USP34: variants seen among roughly 807,000 people sequenced by gnomAD.
USP34 encodes ubiquitin specific peptidase 34.
Under a neutral mutation model 460.3 loss-of-function variants are expected in USP34, and 70 were observed. The ratio of observed to expected loss-of-function variants is 0.15; its 90% confidence interval spans 0.13 to 0.19. The LOEUF (loss-of-function observed/expected upper bound fraction) is 0.19, where lower values mean the gene tolerates loss of function less well. Ranked by LOEUF, USP34 falls within the 10% of genes least tolerant of loss-of-function variation. USP34 has a pLI of 1.00. For missense variants in USP34, 3,985 were observed against 4,236.2 expected (o/e 0.94, Z 1.65); for synonymous variants, 1,647 against 1,405.3 (o/e 1.17, Z -3.85).
At chr2:61,381,583 G>A (rs1435135061) in intron 6 of USP34, among the ~76,000 whole-genome samples, 5 of 152,002 alleles carry the variant, frequency 3.3e-5, no homozygotes, top group Non-Finnish European at 7.4e-5. Flanking sequence ...TGATCCTCCC[G>A]CCTCGGCCTC....
At chr2:61,431,976 T>C (rs1356376259) in intron 1 of USP34, among the ~76,000 whole-genome samples, 1 of 152,198 alleles carries the variant, frequency 6.6e-6, no homozygotes, top group African/African-American at 2.4e-5. Context: ...ACACATCATA[T>C]AAAGGTATTG....
intron 58 of USP34, among the ~76,000 whole-genome samples, chr2:61,231,723 CA>C (rs1480967874): frequency 6.6e-6 from 1 of 151,234 alleles, no homozygotes; most frequent in East Asian, 1.9e-4. Flanking sequence ...AAAAACAAAA[CA>C]AAACAAAATT....
Position 61,383,180 on chromosome 2 carries a change from G to A in USP34, c.821+89C>T, listed in dbSNP as rs1039122331. On this transcript the variant is annotated intron_variant, in intron 6 of 79. Transcript: ENST00000398571. ...ATTTTCTCTAGAGGATATGACTATA[G>A]GGGACTTTCAAACAATATAATTCTA... 69 of 901,352 alleles carry A rather than the reference G, an allele frequency of 7.7e-5. 1 individual carries two copies. The East Asian group carries it at 1.8e-3, about 24-fold the overall frequency. 55.8% of individuals were successfully genotyped at this position (901,352 alleles called of 1,614,324 possible). A position where few individuals can be genotyped will look rare whatever the true frequency, so the allele number is the denominator to read the frequency against.
intron 51 of USP34, among the ~76,000 whole-genome samples, chr2:61,243,857 A>G (rs1254850641): frequency 6.6e-6 from 1 of 151,376 alleles, no homozygotes; most frequent in African/African-American, 2.4e-5. Flanking sequence ...TGACAGAGTG[A>G]GACTGTCTCA....
chr2:61,329,179 G>T (rs1385907357), intron 20 of USP34, among the ~76,000 whole-genome samples: 7 of 151,312 alleles, frequency 4.6e-5, no homozygotes, highest in Non-Finnish European at 1.0e-4. Flanking sequence ...GCGCCACCAC[G>T]CCTGCCTTTT....
intron 49 of USP34, among the ~76,000 whole-genome samples, chr2:61,246,995 G>A (rs1688433391): frequency 1.3e-5 from 2 of 151,924 alleles, no homozygotes; most frequent in African/African-American, 4.8e-5. Flanking sequence ...TAAAAAAAAG[G>A]AAAACGAACC....
chr2:61,192,172 G>T (rs13399029), intron 76 of USP34, among the ~76,000 whole-genome samples: 1 of 152,158 alleles, frequency 6.6e-6, no homozygotes, highest in Non-Finnish European at 1.5e-5. Flanking sequence ...TGCACCTAAG[G>T]AAGGTGAATA....
At chr2:61,343,013 A>T (rs1419533679) in intron 16 of USP34, among the ~76,000 whole-genome samples, 2 of 152,222 alleles carry the variant, frequency 1.3e-5, no homozygotes, top group East Asian at 1.9e-4. Flanking sequence ...CATGTACAAA[A>T]AACACATACA....
At chr2:61,418,815 T>A (rs1694274681) in intron 2 of USP34, among the ~76,000 whole-genome samples, 1 of 152,216 alleles carries the variant, frequency 6.6e-6, no homozygotes, top group African/African-American at 2.4e-5. Context: ...ATTAAGAGTA[T>A]AACATTCCAC....
At chr2:61,253,025 A>G (rs1688628831) in intron 48 of USP34, among the ~76,000 whole-genome samples, 2 of 152,230 alleles carry the variant, frequency 1.3e-5, no homozygotes, top group South Asian at 2.1e-4. Flanking sequence ...ATGGTGATTG[A>G]TAAGTTACTG....
At chr2:61,412,882 A>G (rs1694080192) in intron 2 of USP34, among the ~76,000 whole-genome samples, 1 of 133,242 alleles carries the variant, frequency 7.5e-6, no homozygotes, top group Admixed American at 8.1e-5. Context: ...CAGCAATCCC[A>G]TCTCAAAAAA....
At chr2:61,468,816 A>G (rs1695861315) in intron 1 of USP34, among the ~76,000 whole-genome samples, 1 of 152,250 alleles carries the variant, frequency 6.6e-6, no homozygotes, top group African/African-American at 2.4e-5. Context: ...ATAATCTTAA[A>G]TAAGACCTTT....
chr2:61,354,856 G>C (rs1692057824), intron 10 of USP34, among the ~76,000 whole-genome samples: 1 of 152,180 alleles, frequency 6.6e-6, no homozygotes, highest in Admixed American at 6.5e-5. Flanking sequence ...GTAGTTGCCA[G>C]AATGCTTCAA....
intron 53 of USP34, among the ~76,000 whole-genome samples, chr2:61,239,561 T>C (rs1011142097): frequency 4.6e-5 from 7 of 152,266 alleles, no homozygotes; most frequent in East Asian, 1.9e-4. Context: ...ATGATGATGA[T>C]TGAGATAAAT....
chr2:61,298,121 C>T (rs890212584), intron 29 of USP34, among the ~76,000 whole-genome samples: 5 of 152,000 alleles, frequency 3.3e-5, no homozygotes, highest in African/African-American at 4.8e-5. Flanking sequence ...GAGACATACA[C>T]AGTAAAGATA....
At chr2:61,440,000 G>C (rs1207146495) in intron 1 of USP34, among the ~76,000 whole-genome samples, 3 of 152,170 alleles carry the variant, frequency 2.0e-5, no homozygotes, top group African/African-American at 7.2e-5. Context: ...AGGAGGGGCA[G>C]TGTGAGCTCC....
At chr2:61,340,510 T>C (rs1024085727) in intron 16 of USP34, among the ~76,000 whole-genome samples, 2 of 152,208 alleles carry the variant, frequency 1.3e-5, no homozygotes, top group Non-Finnish European at 2.9e-5. Flanking sequence ...CCCTTTTACA[T>C]TCCCATCAGC....
At position 61,220,447 on chromosome 2, in the gene USP34, T is replaced by C. The variant is rs1687527448; in HGVS notation, c.7910A>G (p.Tyr2637Cys). 1 of 1,611,208 alleles carries C rather than the reference T, an allele frequency of 6.2e-7. No homozygotes were observed. The highest frequency in any genetic ancestry group is 1.1e-5 in the South Asian group (1 of 90,314). ...CCAATCTAGACACTGAGAAGGATTG[T>C]ATTCAATCACCTACAAATAACATGA... Reference protein sequence around the residue: ...ILQRIWEVIEYNPSQCLDWLA... With the variant: ...ILQRIWEVIECNPSQCLDWLA... Residue 2637 changes from tyrosine to cysteine, a missense_variant, in exon 67 of 80, where the codon TAC (tyrosine) becomes TGC (cysteine). Around this residue, in one of 14 missense-constraint regions of USP34, gnomAD observed 604 missense variants for 684.8 expected, o/e 0.88. Coordinates refer to ENST00000398571, the MANE Select transcript of USP34 (RefSeq NM_014709.4).
chr2:61,366,443 C>T (rs1235620226), intron 10 of USP34, among the ~76,000 whole-genome samples: 2 of 152,044 alleles, frequency 1.3e-5, no homozygotes, highest in South Asian at 4.2e-4. Flanking sequence ...GTCAGCCACC[C>T]GTCAGTCAGA....
Sources: allele counts gnomAD v4.1 joint callset (sites outside exome capture counted in the v4.1 genomes callset), GRCh38; gene constraint gnomAD v4.1.1; regional missense constraint gnomAD v4.1.1; transcripts MANE v1.5; gene names NCBI Gene and HGNC (gene_info 2026-07-23, HGNC 2026-07-21).